Variants in NR2C2 observed in about 807,000 individuals in gnomAD.
NR2C2 encodes nuclear receptor subfamily 2 group C member 2, also known as Nuclear hormone receptor TR4.
NR2C2 carries 6 observed loss-of-function variants against 62.9 expected under a neutral mutation model. That is an observed-to-expected ratio of 0.10 (90% CI 0.05 to 0.19). The LOEUF (loss-of-function observed/expected upper bound fraction) is 0.19, where lower values mean the gene tolerates loss of function less well. Ranked by LOEUF, NR2C2 falls within the 10% of genes least tolerant of loss-of-function variation. NR2C2 has a pLI of 1.00. For synonymous variants in NR2C2, 272 were observed against 273.8 expected, an observed-to-expected ratio of 0.99 and a Z score of 0.07; for missense variants, 479 against 762.7, an observed-to-expected ratio of 0.63 and a Z score of 4.38.
chr3:14,959,907 A>C (rs1457265578), intron 1 of NR2C2, among the ~76,000 whole-genome samples: 1 of 152,248 alleles, frequency 6.6e-6, no homozygotes, highest in African/African-American at 2.4e-5. Context: ...ATGGCATTTC[A>C]GATCAGTGGG....
chr3:15,008,181 C>T lies in NR2C2; in HGVS notation c.72+4195C>T, dbSNP rs116038077. On this transcript the variant is annotated intron_variant, in intron 2 of 13. Coordinates refer to ENST00000425241, the MANE Select transcript of NR2C2 (RefSeq NM_001291694.2). ...TTTGATTTTGATTATGGGAAATACT[C>T]AATTTTTAGATGTTAGCAAACAGTT... Among the ~76,000 whole-genome samples, 1,464 of 151,382 alleles carry T rather than the reference C, an allele frequency of 9.7e-3. 13 individuals are homozygous for T. The highest frequency in any genetic ancestry group is 0.014 in the Non-Finnish European group (929 of 67,854).
At chr3:14,948,407 C>A (rs1574909081) in intron 1 of NR2C2, 3 of 152,248 alleles carry the variant, frequency 2.0e-5, no homozygotes, top group African/African-American at 7.2e-5. Context: ...GGGTGCGAGG[C>A]GCGACCTCGT....
At chr3:14,948,057 TGGGCC>T (rs973345502) in intron 1 of NR2C2, 151 bp downstream of exon 1, 3 of 151,802 alleles carry the variant, frequency 2.0e-5, no homozygotes, top group African/African-American at 7.3e-5. Context: ...CTTTGCATAG[TGGGCC>T]GGGCCGCTCC....
rs2042415013 is a variant in NR2C2 at position 15,045,424 on chromosome 3, T to A, written c.*2416T>A. Reference sequence around the variant, plus strand: ...AACCTTGCAGAAAACGTGATTTTGCTTGGAAAGGTGCTGATTCTAACCTGG... The same window carrying A: ...AACCTTGCAGAAAACGTGATTTTGCATGGAAAGGTGCTGATTCTAACCTGG... On this transcript the variant is annotated 3_prime_UTR_variant, in exon 14 of 14. Transcript: ENST00000425241. The A allele has an allele frequency of 6.5e-6, 1 of 152,734 alleles. No homozygotes were observed. The highest frequency in any genetic ancestry group is 2.1e-4 in the South Asian group (1 of 4,834). The allele number at this position is 152,734 out of a possible 1,614,324, so 9.5% of individuals were successfully genotyped here.
chr3:14,974,185 G>A (rs534163222), intron 1 of NR2C2, among the ~76,000 whole-genome samples: 2 of 152,080 alleles, frequency 1.3e-5, no homozygotes, highest in Non-Finnish European at 2.9e-5. Flanking sequence ...TACAGAACCT[G>A]TCTTTTTGTG....
At chr3:14,978,840 A>G (rs996869330) in intron 1 of NR2C2, among the ~76,000 whole-genome samples, 3 of 152,172 alleles carry the variant, frequency 2.0e-5, no homozygotes, top group African/African-American at 7.2e-5. Flanking sequence ...CAAGTTATCC[A>G]CAGACTATAC....
intron 1 of NR2C2, among the ~76,000 whole-genome samples, chr3:14,990,116 A>G (rs1473341331): frequency 6.6e-6 from 1 of 152,088 alleles, no homozygotes; most frequent in Non-Finnish European, 1.5e-5. Context: ...TTTAATAAAA[A>G]GAAGAATATT....
chr3:14,999,510 C>T (rs1295494091), intron 1 of NR2C2, among the ~76,000 whole-genome samples: 1 of 152,054 alleles, frequency 6.6e-6, no homozygotes, highest in African/African-American at 2.4e-5. Context: ...AAAAAAGTTT[C>T]TAGTTTTAAT....
chr3:15,007,421 C>T (rs1257829033), intron 2 of NR2C2, among the ~76,000 whole-genome samples: 1 of 152,008 alleles, frequency 6.6e-6, no homozygotes, highest in Non-Finnish European at 1.5e-5. Flanking sequence ...GCCACCGTGC[C>T]CAGCCCCCTG....
intron 1 of NR2C2, among the ~76,000 whole-genome samples, chr3:14,994,257 T>C (rs2040753452): frequency 6.6e-6 from 1 of 152,114 alleles, no homozygotes; most frequent in East Asian, 1.9e-4. Context: ...TGATGAATTA[T>C]CACAGAGAAA....
chr3:15,029,167 A>G (rs2041902444), intron 8 of NR2C2, among the ~76,000 whole-genome samples: 1 of 148,752 alleles, frequency 6.7e-6, no homozygotes, highest in African/African-American at 2.5e-5. Flanking sequence ...CTGGTCTAGA[A>G]CTCTTGGGCT....
intron 10 of NR2C2, among the ~76,000 whole-genome samples, chr3:15,033,345 A>G (rs747228143): frequency 2.0e-5 from 3 of 152,288 alleles, no homozygotes; most frequent in Middle Eastern, 3.4e-3. Context: ...CTCATTGTAG[A>G]ATCCTCGCGT....
chr3:14,963,141 C>T (rs1391552763), intron 1 of NR2C2, among the ~76,000 whole-genome samples: 1 of 152,114 alleles, frequency 6.6e-6, no homozygotes, highest in African/African-American at 2.4e-5. Flanking sequence ...TGTAAAAGGA[C>T]GTAGGCATTA....
rs1182181295 is a variant in NR2C2, at chr3:15,023,219, G to A, written c.576G>A (p.Lys192=). The A allele has an allele frequency of 6.2e-7, 1 of 1,614,200 alleles. No individual in the cohort carries two copies. The highest frequency in any genetic ancestry group is 8.5e-7 in the Non-Finnish European group (1 of 1,180,028). ...MKMESVQSER[K]PFDVQREKPS... ...TTTAAGCTGTGCAGAGTGAACGGAAGCCCTTCGATGTGCAACGGGAGAAAC... is the reference window on the plus strand; with the variant it reads ...TTTAAGCTGTGCAGAGTGAACGGAAACCCTTCGATGTGCAACGGGAGAAAC... Residue 192 remains lysine (K), a synonymous_variant, in exon 6 of 14, where the codon AAG becomes AAA. Transcript: ENST00000425241.
chr3:15,004,608 G>T (rs778615512), intron 2 of NR2C2: 2 of 1,612,444 alleles, frequency 1.2e-6, no homozygotes, highest in Non-Finnish European at 1.7e-6. Context: ...TTTGAACAAA[G>T]AGAAGGTAGG....
intron 11 of NR2C2, among the ~76,000 whole-genome samples, chr3:15,036,835 T>C (rs568234518): frequency 1.3e-5 from 2 of 152,290 alleles, no homozygotes; most frequent in African/African-American, 4.8e-5. Context: ...AAAGACCCTA[T>C]AACAGGCTGG....
At chr3:14,954,338 T>TA (rs1286841186) in intron 1 of NR2C2, among the ~76,000 whole-genome samples, 3 of 152,076 alleles carry the variant, frequency 2.0e-5, no homozygotes, top group Non-Finnish European at 2.9e-5. Context: ...GAATAAAAAT[T>TA]AAAAATAGAT....
At chr3:15,022,661 G>C (rs888752267) in intron 5 of NR2C2, among the ~76,000 whole-genome samples, 1 of 151,988 alleles carries the variant, frequency 6.6e-6, no homozygotes, top group Non-Finnish European at 1.5e-5. Flanking sequence ...GATTACAGAC[G>C]TGAGCCACCA....
At chr3:15,015,425 C>T (rs1044151841) in intron 3 of NR2C2, among the ~76,000 whole-genome samples, 9 of 152,226 alleles carry the variant, frequency 5.9e-5, no homozygotes, top group African/African-American at 2.4e-5. Context: ...CAGCTCACCA[C>T]CAGCTGCCTC....
Sources: gnomAD v4.1 joint callset for allele counts (sites outside exome capture counted in the v4.1 genomes callset) on GRCh38, gnomAD v4.1.1 for gene constraint, MANE v1.5 for transcripts, NCBI Gene and HGNC (gene_info 2026-07-23, HGNC 2026-07-21) for gene names.